Variants in PDE4D observed in about 807,000 individuals in gnomAD.
PDE4D encodes phosphodiesterase 4D.
Under a neutral mutation model 87.4 loss-of-function variants are expected in PDE4D, and 24 were observed. That is an observed-to-expected ratio of 0.27 (90% CI 0.20 to 0.39). PDE4D has a LOEUF of 0.39. PDE4D is among the 10% of genes least tolerant of loss of function. The probability of loss-of-function intolerance (pLI) is 1.00; values close to 1 mark genes in which losing one functional copy is unlikely to be tolerated. For synonymous variants in PDE4D, 384 were observed against 383.2 expected (o/e 1.00, Z -0.02); for missense variants, 714 against 1,041.0 (o/e 0.69, Z 4.32).
intron 1 of PDE4D, among the ~76,000 whole-genome samples, chr5:60,507,060 TAAAC>T (rs1284513908): frequency 6.6e-6 from 1 of 152,172 alleles, no homozygotes; most frequent in African/African-American, 2.4e-5. Flanking sequence ...TGTCTTGTCA[TAAAC>T]AGTTTTTCAT....
At chr5:59,846,055 G>C (rs1743795812) in intron 1 of PDE4D, among the ~76,000 whole-genome samples, 1 of 152,050 alleles carries the variant, frequency 6.6e-6, no homozygotes, top group Non-Finnish European at 1.5e-5. Context: ...CTGCACTAAA[G>C]ATAGGGGTTA....
intron 1 of PDE4D, among the ~76,000 whole-genome samples, chr5:59,277,985 A>G (rs1765142749): frequency 6.6e-6 from 1 of 152,156 alleles, no homozygotes; most frequent in Non-Finnish European, 1.5e-5. Context: ...GAATCTGACA[A>G]TGTATGGAAC....
At chr5:60,189,178 G>A (rs1283860189) in intron 1 of PDE4D, among the ~76,000 whole-genome samples, 1 of 152,202 alleles carries the variant, frequency 6.6e-6, no homozygotes, top group Non-Finnish European at 1.5e-5. Flanking sequence ...CTCCTGCAGG[G>A]AGAACACTTT....
At chr5:59,730,305 A>G (rs1757199647) in intron 1 of PDE4D, among the ~76,000 whole-genome samples, 1 of 152,172 alleles carries the variant, frequency 6.6e-6, no homozygotes, top group Non-Finnish European at 1.5e-5. Flanking sequence ...GGGGACAACC[A>G]GGTTAAAGTG....
chr5:59,177,163 G>A (rs923135265), intron 5 of PDE4D, among the ~76,000 whole-genome samples: 16 of 152,206 alleles, frequency 1.1e-4, no homozygotes, highest in Non-Finnish European at 2.4e-4. Context: ...AGGTCGTGAG[G>A]GTGGAGCACT....
chr5:60,060,797 T>C (rs1201523450), intron 2 of PDE4D, among the ~76,000 whole-genome samples: 1 of 152,004 alleles, frequency 6.6e-6, no homozygotes, highest in Non-Finnish European at 1.5e-5. Context: ...CATAGATCTA[T>C]TCACTGCAGA....
intron 5 of PDE4D, among the ~76,000 whole-genome samples, chr5:59,091,582 T>A (rs1239600693): frequency 2.0e-5 from 3 of 151,978 alleles, no homozygotes; most frequent in African/African-American, 7.2e-5. Context: ...CAAAACAAAC[T>A]AAATTGAACT....
chr5:59,026,521 T>C (rs1296354718), intron 6 of PDE4D, among the ~76,000 whole-genome samples: 1 of 152,148 alleles, frequency 6.6e-6, no homozygotes, highest in Non-Finnish European at 1.5e-5. Flanking sequence ...CCAAGTGGTC[T>C]AAGGCACCAG....
chr5:59,420,689 G>GAAAAAAA (rs55960957), intron 1 of PDE4D, among the ~76,000 whole-genome samples: 3 of 122,008 alleles, frequency 2.5e-5, no homozygotes, highest in Admixed American at 8.3e-5. Context: ...TACTGCACAA[G>GAAAAAAA]AAAAAAAAAA....
At chr5:60,472,173 T>C (rs10939848) in intron 1 of PDE4D, among the ~76,000 whole-genome samples, 40,828 of 152,118 alleles carry the variant, frequency 0.27, 6,663 homozygotes, top group African/African-American at 0.46. Context: ...GAATGGCTTA[T>C]AATACTTTAT....
intron 1 of PDE4D, among the ~76,000 whole-genome samples, chr5:59,393,392 C>T (rs963160518): frequency 2.2e-4 from 33 of 152,102 alleles, no homozygotes; most frequent in African/African-American, 7.2e-4. Context: ...GAGATGATTC[C>T]CAATTATTGG....
chr5:60,325,799 C>T (rs1383344724), intron 1 of PDE4D, among the ~76,000 whole-genome samples: 1 of 152,104 alleles, frequency 6.6e-6, no homozygotes, highest in African/African-American at 2.4e-5. Context: ...AATAGCCACA[C>T]CCAGTTTCCT....
At chr5:59,444,401 G>C (rs905134554) in intron 1 of PDE4D, among the ~76,000 whole-genome samples, 3 of 152,182 alleles carry the variant, frequency 2.0e-5, no homozygotes, top group African/African-American at 4.8e-5. Context: ...GCAGGCCTGA[G>C]TTTGTCCAAC....
intron 5 of PDE4D, among the ~76,000 whole-genome samples, chr5:59,083,622 T>C (rs1580710392): frequency 1.3e-5 from 2 of 152,008 alleles, no homozygotes; most frequent in South Asian, 4.1e-4. Context: ...TTTATGGAAA[T>C]CAGATCATAC....
chr5:59,280,399 T>C (rs1306562256), intron 1 of PDE4D, among the ~76,000 whole-genome samples: 1 of 152,096 alleles, frequency 6.6e-6, no homozygotes, highest in African/African-American at 2.4e-5. Context: ...GTCAGTAATG[T>C]TGACATAAAA....
At chr5:59,518,398 T>C (rs994202211) in intron 1 of PDE4D, among the ~76,000 whole-genome samples, 10 of 152,134 alleles carry the variant, frequency 6.6e-5, no homozygotes, top group Non-Finnish European at 2.9e-5. Context: ...TCATGATGAA[T>C]ACAACAAGCA....
At chr5:60,017,094 C>T (rs1398941991) in intron 2 of PDE4D, among the ~76,000 whole-genome samples, 1 of 152,122 alleles carries the variant, frequency 6.6e-6, no homozygotes, top group Non-Finnish European at 1.5e-5. Context: ...TTCTTGTATA[C>T]CTTCATCAGA....
intron 1 of PDE4D, among the ~76,000 whole-genome samples, chr5:59,516,936 TAC>T (rs1015426874): frequency 4.0e-5 from 6 of 151,452 alleles, no homozygotes; most frequent in African/African-American, 7.3e-5. Context: ...TACATACACA[TAC>T]ATAGGCACAC....
chr5:59,914,028 T>C (rs1364542440), intron 3 of PDE4D, among the ~76,000 whole-genome samples: 1 of 152,174 alleles, frequency 6.6e-6, no homozygotes, highest in African/African-American at 2.4e-5. Context: ...TTGAGTAGAA[T>C]ATGTACATTT....
Sources: allele counts gnomAD v4.1 joint callset (sites outside exome capture counted in the v4.1 genomes callset), GRCh38; gene constraint gnomAD v4.1.1; transcripts MANE v1.5; gene names NCBI Gene and HGNC (gene_info 2026-07-23, HGNC 2026-07-21).